The following HEPHL1 variants were observed in gnomAD, a reference collection of about 807,000 sequenced individuals.
HEPHL1 encodes the protein ferroxidase HEPHL1.
In HEPHL1, 123 loss-of-function variants were observed where a neutral mutation model predicts 122.0. That is an observed-to-expected ratio of 1.01 (90% confidence interval 0.87 to 1.17). HEPHL1 has a LOEUF of 1.17. HEPHL1 is among the 50% of genes most tolerant of loss of function. The probability of loss-of-function intolerance (pLI) is 0.00; values close to 1 mark genes in which losing one functional copy is unlikely to be tolerated. For missense variants in HEPHL1, 1,452 were observed against 1,430.5 expected, an observed-to-expected ratio of 1.01 and a Z score of -0.24; for synonymous variants, 527 against 508.9, an observed-to-expected ratio of 1.04 and a Z score of -0.48.
chr11:94,031,959 C>T (rs1331781117), intron 1 of HEPHL1, among the ~76,000 whole-genome samples: 1 of 152,240 alleles, frequency 6.6e-6, no homozygotes, highest in East Asian at 1.9e-4. Flanking sequence ...AAGCAGTCTA[C>T]TCTACAGTTC....
At chr11:94,073,547 G>T in intron 8 of HEPHL1, 108 bp downstream of exon 8, 1 of 1,063,304 alleles carries the variant, frequency 9.4e-7, no homozygotes, top group Admixed American at 2.5e-5. Flanking sequence ...TGCCCTGAGA[G>T]CTTGGGCAAT....
intron 15 of HEPHL1, among the ~76,000 whole-genome samples, chr11:94,104,146 T>C (rs945355696): frequency 6.6e-6 from 1 of 151,814 alleles, no homozygotes; most frequent in Admixed American, 6.6e-5. Context: ...CAGCTGAAAA[T>C]AGGGAAGTAG....
intron 10 of HEPHL1, 30 bp downstream of exon 10, chr11:94,082,598 T>A: frequency 6.3e-7 from 1 of 1,588,252 alleles, no homozygotes; most frequent in East Asian, 2.2e-5. Flanking sequence ...CGCCTGTAAA[T>A]GAAAGGCTGA....
chr11:94,074,726 TC>T (rs1056846530), intron 8 of HEPHL1, among the ~76,000 whole-genome samples: 13 of 152,146 alleles, frequency 8.5e-5, no homozygotes, highest in Non-Finnish European at 5.9e-5. Flanking sequence ...AACTCCTCTA[TC>T]TTGTAGTTAT....
intron 2 of HEPHL1, among the ~76,000 whole-genome samples, chr11:94,051,136 G>A (rs1489196142): frequency 1.3e-5 from 2 of 151,974 alleles, no homozygotes; most frequent in African/African-American, 4.8e-5. Flanking sequence ...TTTCCTTTTT[G>A]GGGGGTACAT....
intron 1 of HEPHL1, among the ~76,000 whole-genome samples, chr11:94,038,016 A>G (rs1410299304): frequency 6.8e-6 from 1 of 147,418 alleles, no homozygotes; most frequent in East Asian, 2.0e-4. Context: ...AATACAGAGA[A>G]GTGCTTAAAG....
chr11:94,064,120 A>G (rs1025515596), intron 3 of HEPHL1, among the ~76,000 whole-genome samples: 2 of 152,294 alleles, frequency 1.3e-5, no homozygotes, highest in African/African-American at 4.8e-5. Context: ...CCAGTCTTCC[A>G]AGTATGTGAT....
chr11:94,096,471 C>A (rs1402067265), intron 13 of HEPHL1, among the ~76,000 whole-genome samples: 1 of 152,176 alleles, frequency 6.6e-6, no homozygotes, highest in Non-Finnish European at 1.5e-5. Flanking sequence ...GGATATTGGT[C>A]TAAAAGTCTC....
intron 1 of HEPHL1, among the ~76,000 whole-genome samples, chr11:94,037,662 G>C (rs1389752937): frequency 2.6e-5 from 4 of 152,098 alleles, no homozygotes; most frequent in East Asian, 1.9e-4. Context: ...TGAGGGTCCT[G>C]TCTGTTAGAA....
intron 1 of HEPHL1, among the ~76,000 whole-genome samples, chr11:94,031,311 T>G (rs2134404835): frequency 6.7e-6 from 1 of 148,972 alleles, no homozygotes; most frequent in South Asian, 2.2e-4. Flanking sequence ...ATTCTTTGCA[T>G]ATGGGTAAAT....
At chr11:94,047,903 T>C (rs1359852467) in intron 2 of HEPHL1, among the ~76,000 whole-genome samples, 2 of 152,170 alleles carry the variant, frequency 1.3e-5, no homozygotes, top group Non-Finnish European at 2.9e-5. Context: ...TTTAACCATT[T>C]TCAAGTGTTC....
chr11:94,090,871 G>A (rs1010687688), intron 12 of HEPHL1, among the ~76,000 whole-genome samples: 3 of 152,098 alleles, frequency 2.0e-5, no homozygotes, highest in Admixed American at 2.0e-4. Context: ...CCCCACCTTG[G>A]GACCTAGAAG....
chr11:94,097,010 C>G (rs1014615344), intron 13 of HEPHL1, among the ~76,000 whole-genome samples: 1 of 152,132 alleles, frequency 6.6e-6, no homozygotes, highest in Admixed American at 6.5e-5. Flanking sequence ...TTTTGTGTCT[C>G]TCTCTCCTTC....
Position 94,045,683 on chromosome 11 carries a change from T to G in HEPHL1, c.181T>G (p.Leu61Val), listed in dbSNP as rs376541115. The change falls in exon 2 of 20, where the codon TTA becomes GTA. Residue 61 changes from leucine (L) to valine (V), a missense_variant. By Grantham distance (32) the Leu-to-Val change is conservative (BLOSUM62 1). Transcript: ENST00000315765. ...TCTTCTTACTTTTAGACTTGCAACC[T>G]TATTTCTCGAAAGAGGGCCCAACAG... Reference protein sequence around the residue: ...KSFTEDKLATLFLERGPNRIG... With the variant: ...KSFTEDKLATVFLERGPNRIG... The G allele has an allele frequency of 6.2e-7, 1 of 1,603,270 alleles. No homozygotes were observed. The highest frequency in any genetic ancestry group is 8.5e-7 in the Non-Finnish European group (1 of 1,174,944).
chr11:94,104,818 G>T, intron 16 of HEPHL1, 68 bp downstream of exon 16: 1 of 1,188,866 alleles, frequency 8.4e-7, no homozygotes, highest in Non-Finnish European at 1.2e-6. Flanking sequence ...AAATGTAGGA[G>T]GCTCCCAGCA....
intron 13 of HEPHL1, 139 bp from the exon 14 acceptor site, chr11:94,101,056 G>A (rs1946363415): frequency 2.5e-6 from 2 of 804,934 alleles, no homozygotes; most frequent in Non-Finnish European, 4.1e-6. Context: ...TCTCTAAAGT[G>A]GAGTAGAGTT....
intron 2 of HEPHL1, among the ~76,000 whole-genome samples, chr11:94,051,878 C>A (rs1015986077): frequency 6.6e-6 from 1 of 152,040 alleles, no homozygotes; most frequent in African/African-American, 2.4e-5. Flanking sequence ...TTTCCCAGTA[C>A]CATTTATTGA....
intron 4 of HEPHL1, among the ~76,000 whole-genome samples, chr11:94,066,478 C>T (rs1946035099): frequency 6.6e-6 from 1 of 151,580 alleles, no homozygotes; most frequent in Non-Finnish European, 1.5e-5. Flanking sequence ...CTTTTGAACC[C>T]AGGAGACAGA....
intron 2 of HEPHL1, among the ~76,000 whole-genome samples, chr11:94,061,737 G>A (rs559372596): frequency 6.6e-6 from 1 of 152,232 alleles, no homozygotes; most frequent in East Asian, 1.9e-4. Context: ...GAGAGAAAAT[G>A]TAAGAAATTG....
Sources: gnomAD v4.1 joint callset for allele counts (sites outside exome capture counted in the v4.1 genomes callset) on GRCh38, gnomAD v4.1.1 for gene constraint, MANE v1.5 for transcripts, NCBI Gene and HGNC (gene_info 2026-07-23, HGNC 2026-07-21) for gene names.